Variants in TFCP2L1 observed in about 807,000 individuals in gnomAD.
TFCP2L1 encodes the protein transcription factor CP2 like 1, also known as transcription factor CP2-like protein 1.
Under a neutral mutation model 72.2 loss-of-function variants are expected in TFCP2L1, and 12 were observed. The ratio of observed to expected loss-of-function variants is 0.17; its 90% confidence interval spans 0.11 to 0.27. The LOEUF is 0.27. TFCP2L1 is among the 10% of genes least tolerant of loss of function. The probability of loss-of-function intolerance (pLI) is 1.00; values close to 1 mark genes in which losing one functional copy is unlikely to be tolerated. For synonymous variants in TFCP2L1, 260 were observed against 251.0 expected, an observed-to-expected ratio of 1.04 and a Z score of -0.34; for missense variants, 488 against 624.6, an observed-to-expected ratio of 0.78 and a Z score of 2.33.
intron 2 of TFCP2L1, among the ~76,000 whole-genome samples, chr2:121,261,053 G>A (rs1573385652): frequency 6.6e-6 from 1 of 152,160 alleles, no homozygotes; most frequent in South Asian, 2.1e-4. Context: ...CAGCACACAC[G>A]GCTGACCTTG....
chr2:121,242,671 G>T (rs1488148829), intron 6 of TFCP2L1, among the ~76,000 whole-genome samples: 1 of 152,168 alleles, frequency 6.6e-6, no homozygotes, highest in Admixed American at 6.5e-5. Flanking sequence ...CATGCACTCT[G>T]CTGCTCAAGG....
chr2:121,270,670 A>G (rs1034328314), intron 2 of TFCP2L1, among the ~76,000 whole-genome samples: 1 of 152,098 alleles, frequency 6.6e-6, no homozygotes, highest in African/African-American at 2.4e-5. Context: ...TTTTAAATGT[A>G]CTCATGTGGA....
chr2:121,220,459 T>C lies in TFCP2L1; in HGVS notation c.*3882A>G, dbSNP rs1342530033. 1.3e-5 allele frequency: 2 copies of C among 152,192 alleles called. No individual in the cohort carries two copies. The highest frequency in any genetic ancestry group is 3.8e-4 in the East Asian group (2 of 5,200). 9.4% of individuals were successfully genotyped at this position (152,192 alleles called of 1,614,324 possible). Reference sequence around the variant, plus strand: ...AACAGGAAAGGGTTTATCTCAACCTTGCAGATACCCCGCAAAAACCGTGAC... The same window carrying C: ...AACAGGAAAGGGTTTATCTCAACCTCGCAGATACCCCGCAAAAACCGTGAC... On this transcript the variant is annotated 3_prime_UTR_variant, in exon 15 of 15. Coordinates refer to ENST00000263707, the MANE Select transcript of TFCP2L1 (RefSeq NM_014553.3).
At position 121,281,196 on chromosome 2, in the gene TFCP2L1, G is replaced by A; in HGVS notation, c.138C>T (p.Pro46=). 1 of 1,613,584 alleles carries A rather than the reference G, an allele frequency of 6.2e-7. No homozygotes were observed. The highest frequency in any genetic ancestry group is 8.5e-7 in the Non-Finnish European group (1 of 1,179,970). ...LSPENEARLP[P]LQYVLCAATS... ...TGGCAGCACACAACACATATTGCAG[G>A]GGTGGCAGGCGGGCCTCGTTCTCGG... Residue 46 remains proline (P), a synonymous_variant, in exon 2 of 15, where the codon CCC becomes CCT. Coordinates refer to ENST00000263707, the MANE Select transcript of TFCP2L1 (RefSeq NM_014553.3).
chr2:121,231,788 G>A (rs779957333), intron 13 of TFCP2L1, 38 bp downstream of exon 13: 5 of 1,606,560 alleles, frequency 3.1e-6, no homozygotes, highest in African/African-American at 2.7e-5. Context: ...CCGTGGCCCA[G>A]AGCCCGTTGT....
At chr2:121,275,264 GTCGC>G (rs1687123082) in intron 2 of TFCP2L1, among the ~76,000 whole-genome samples, 1 of 7,378 alleles carries the variant, frequency 1.4e-4, no homozygotes, top group Non-Finnish European at 2.3e-4. Context: ...GGCGCCTGTA[GTCGC>G]GGCGCCTGTA....
intron 2 of TFCP2L1, among the ~76,000 whole-genome samples, chr2:121,258,770 T>C (rs533279069): frequency 1.2e-4 from 18 of 152,242 alleles, no homozygotes; most frequent in African/African-American, 3.9e-4. Context: ...AGTCCTGAAC[T>C]GGGTCTGGAT....
intron 2 of TFCP2L1, among the ~76,000 whole-genome samples, chr2:121,261,511 G>A (rs1053861640): frequency 6.6e-6 from 1 of 152,146 alleles, no homozygotes; most frequent in African/African-American, 2.4e-5. Context: ...ACAGCAAAAT[G>A]ATTTCAGTTT....
chr2:121,232,284 G>A (rs185573402), intron 12 of TFCP2L1, among the ~76,000 whole-genome samples: 1 of 152,142 alleles, frequency 6.6e-6, no homozygotes, highest in East Asian at 1.9e-4. Flanking sequence ...GATTACAGGT[G>A]TGCACCACCA....
At chr2:121,250,807 A>T (rs1247851960) in intron 2 of TFCP2L1, among the ~76,000 whole-genome samples, 1 of 151,716 alleles carries the variant, frequency 6.6e-6, no homozygotes, top group South Asian at 2.1e-4. Flanking sequence ...GGGTTTCACC[A>T]TGTTAGCCAG....
At chr2:121,269,474 T>C (rs1329630341) in intron 2 of TFCP2L1, among the ~76,000 whole-genome samples, 2 of 151,304 alleles carry the variant, frequency 1.3e-5, no homozygotes, top group Admixed American at 1.3e-4. Context: ...AAAACTTTTA[T>C]TATGGGCTGG....
intron 14 of TFCP2L1, 132 bp downstream of exon 14, chr2:121,225,430 C>A: frequency 1.2e-6 from 1 of 859,588 alleles, no homozygotes; most frequent in Non-Finnish European, 1.9e-6. Context: ...CTAGCTTTCA[C>A]GGAGAGTTTG....
At position 121,264,557 on chromosome 2, in the gene TFCP2L1, C is replaced by T. The variant is rs1029261273; in HGVS notation, c.215-14910G>A. On this transcript the variant is annotated intron_variant, in intron 2 of 14. Coordinates refer to ENST00000263707, the MANE Select transcript of TFCP2L1 (RefSeq NM_014553.3). ...GAATGAGAGCACCTGTCTCTCTAGG[C>T]AGCTGAGGCCGTGTGCTCTCAGGAG... 5.9e-5 allele frequency among the ~76,000 whole-genome samples: 9 copies of T among 152,314 alleles called. No individual in the cohort carries two copies. In the East Asian group the frequency reaches 1.4e-3, roughly 23 times the overall value.
chr2:121,241,089 T>C (rs533603602), intron 7 of TFCP2L1, among the ~76,000 whole-genome samples: 21 of 152,302 alleles, frequency 1.4e-4, no homozygotes, highest in Middle Eastern at 3.4e-3. Flanking sequence ...GAAGTCCAAT[T>C]ATTCAATGAA....
intron 2 of TFCP2L1, among the ~76,000 whole-genome samples, chr2:121,271,271 CA>C (rs1687043056): frequency 6.6e-6 from 1 of 150,584 alleles, no homozygotes; most frequent in Non-Finnish European, 1.5e-5. Flanking sequence ...TCTTAAAAAG[CA>C]AAAGGTACAC....
At position 121,220,823 on chromosome 2, in the gene TFCP2L1, T is replaced by A. The variant is rs1685914695; in HGVS notation, c.*3518A>T. On this transcript the variant is annotated 3_prime_UTR_variant, in exon 15 of 15. Transcript: ENST00000263707. Reference sequence around the variant, plus strand: ...GATATTTTGGTACCAAATTACCATGTGTACTTTTTTTTGGTATTTATTATT... The same window carrying A: ...GATATTTTGGTACCAAATTACCATGAGTACTTTTTTTTGGTATTTATTATT... The A allele has an allele frequency of 6.6e-6, 1 of 152,208 alleles. No homozygotes were observed. The allele number at this position is 152,208 out of a possible 1,614,324, so 9.4% of individuals were successfully genotyped here.
chr2:121,280,705 A>G (rs1047051794), intron 2 of TFCP2L1, among the ~76,000 whole-genome samples: 1 of 148,192 alleles, frequency 6.7e-6, no homozygotes, highest in African/African-American at 2.5e-5. Flanking sequence ...TCAAGGGTGC[A>G]GTGAGCCATG....
chr2:121,224,220 G>C lies in TFCP2L1; in HGVS notation c.*121C>G, dbSNP rs1685978756. The C allele has an allele frequency of 1.6e-5, 18 of 1,131,268 alleles. No homozygotes were observed. The highest frequency in any genetic ancestry group is 2.2e-5 in the Non-Finnish European group (17 of 770,756). The allele number at this position is 1,131,268 out of a possible 1,614,324, so 70.1% of individuals were successfully genotyped here. A position where few individuals can be genotyped will look rare whatever the true frequency, so the allele number is the denominator to read the frequency against. On this transcript the variant is annotated 3_prime_UTR_variant, in exon 15 of 15. Transcript: ENST00000263707. Reference sequence around the variant, plus strand: ...GGTGCTCTGTAGCTTTCACAGACTGGGCAGGGTCCCTCCTGGCCTCAGCTT... The same window carrying C: ...GGTGCTCTGTAGCTTTCACAGACTGCGCAGGGTCCCTCCTGGCCTCAGCTT...
chr2:121,235,241 G>A lies in TFCP2L1; in HGVS notation c.1074C>T (p.Leu358=), dbSNP rs1686221478. The A allele has an allele frequency of 6.2e-7, 1 of 1,614,078 alleles. No individual in the cohort carries two copies. Among genetic ancestry groups the A allele is most frequent in the Non-Finnish European group, 8.5e-7 (1 of 1,180,052 alleles). The part of the protein sequence containing the change: ...QICGPADGIR[L]FNAIKGRNVR... ...CCTACCGGCCTTTGATGGCGTTGAAGAGCCGGATCCCATCTGCGGGACCAC... is the reference window on the plus strand; with the variant it reads ...CCTACCGGCCTTTGATGGCGTTGAAAAGCCGGATCCCATCTGCGGGACCAC... Residue 358 remains leucine, a synonymous_variant, in exon 11 of 15, where the codon CTC becomes CTT. Transcript: ENST00000263707.
Sources: allele counts gnomAD v4.1 joint callset (sites outside exome capture counted in the v4.1 genomes callset), GRCh38; gene constraint gnomAD v4.1.1; transcripts MANE v1.5; gene names NCBI Gene and HGNC (gene_info 2026-07-23, HGNC 2026-07-21).